The following HEATR1 variants were observed in gnomAD, a reference collection of about 807,000 sequenced individuals.
The protein encoded by HEATR1 is HEAT repeat containing 1, also known as HEAT repeat-containing protein 1.
Under a neutral mutation model 248.2 loss-of-function variants are expected in HEATR1, and 77 were observed. The observed-to-expected ratio is 0.31, with a 90% CI of 0.26 to 0.37. HEATR1 has a LOEUF of 0.37. HEATR1 is among the 10% of genes least tolerant of loss of function. The pLI, the probability that HEATR1 is intolerant of heterozygous loss-of-function variation, is 1.00. For synonymous variants in HEATR1, 897 were observed against 923.1 expected, an observed-to-expected ratio of 0.97 and a Z score of 0.51; for missense variants, 2,420 against 2,504.9, an observed-to-expected ratio of 0.97 and a Z score of 0.72.
At position 236,587,143 on chromosome 1, in the gene HEATR1, G is replaced by A. The variant is rs1663909746; in HGVS notation, c.1715+259C>T. Among the ~76,000 whole-genome samples, 3 of 151,984 alleles carry A rather than the reference G, an allele frequency of 2.0e-5. 1 individual carries two copies. Among genetic ancestry groups the A allele is most frequent in the South Asian group, 4.1e-4 (2 of 4,820 alleles). The stretch of plus-strand genomic sequence containing the variant: ...TCCTACCCATCTTACTTCCCAGAAT[G>A]CAATATCATACATTATATACTTCCT... On this transcript the variant is annotated intron_variant, in intron 14 of 44. Coordinates refer to ENST00000366582, the MANE Select transcript of HEATR1 (RefSeq NM_018072.6).
chr1:236,574,282 G>A lies in HEATR1; in HGVS notation c.3379C>T (p.Leu1127Phe). Reference protein sequence around the residue: ...AISDEKVQQKLLRMLFDLLVN... With the variant: ...AISDEKVQQKFLRMLFDLLVN... ...AATAAATCAAACAACATTCTTAAAA[G>A]CTTCTGCTGAACTTTTTCATCTGAT... Residue 1127 changes from leucine to phenylalanine, a missense_variant, in exon 24 of 45, where the codon CTT (leucine) becomes TTT (phenylalanine). Leu to Phe is a conservative substitution (Grantham distance 22). Coordinates refer to ENST00000366582, the MANE Select transcript of HEATR1 (RefSeq NM_018072.6). 3 of 1,612,548 alleles carry A rather than the reference G, an allele frequency of 1.9e-6. No individual in the cohort carries two copies. The highest frequency in any genetic ancestry group is 1.3e-5 in the African/African-American group (1 of 74,942).
intron 8 of HEATR1, 86 bp from the exon 9 acceptor site, chr1:236,594,200 T>G: frequency 1.2e-6 from 1 of 854,470 alleles, no homozygotes; most frequent in South Asian, 1.7e-5. Context: ...AGAAAATCGT[T>G]CTCAGAATAA....
intron 22 of HEATR1, 42 bp from the exon 23 acceptor site, chr1:236,574,945 GAT>G (rs768118716): frequency 1.3e-5 from 21 of 1,581,338 alleles, no homozygotes; most frequent in Non-Finnish European, 1.8e-5. Flanking sequence ...TATGTATACT[GAT>G]ATGTTTTTGC....
intron 32 of HEATR1, 31 bp downstream of exon 32, chr1:236,564,467 T>C: frequency 6.2e-7 from 1 of 1,601,112 alleles, no homozygotes; most frequent in Non-Finnish European, 8.5e-7. Flanking sequence ...GCAGAATACC[T>C]TTTTATAAAC....
At chr1:236,601,302 A>C (rs79194462) in intron 3 of HEATR1, among the ~76,000 whole-genome samples, 2,648 of 150,874 alleles carry the variant, frequency 0.018, 17 homozygotes, top group Middle Eastern at 0.075. Context: ...GCTGGAGTGC[A>C]GTGGCGTGAT....
intron 11 of HEATR1, 60 bp from the exon 12 acceptor site, chr1:236,591,014 G>T: frequency 2.3e-6 from 2 of 864,268 alleles, no homozygotes; most frequent in Non-Finnish European, 3.2e-6. Context: ...CTATGATCAA[G>T]AATAAAACCC....
Position 236,599,471 on chromosome 1 carries a change from C to G in HEATR1, c.501+12G>C. On this transcript the variant is annotated intron_variant, in intron 4 of 44. Coordinates refer to ENST00000366582, the MANE Select transcript of HEATR1 (RefSeq NM_018072.6). Reference sequence around the variant, plus strand: ...GTAATGATTACAGACATATGTCATTCAGCAATTATACCTTAACTGGCAACA... The same window carrying G: ...GTAATGATTACAGACATATGTCATTGAGCAATTATACCTTAACTGGCAACA... 2 of 1,607,152 alleles carry G rather than the reference C, an allele frequency of 1.2e-6. No homozygotes were observed. The highest frequency in any genetic ancestry group is 1.7e-6 in the Non-Finnish European group (2 of 1,176,368).
chr1:236,585,138 C>A lies in HEATR1; in HGVS notation c.2128G>T (p.Val710Leu). 1 of 1,614,050 alleles carries A rather than the reference C, an allele frequency of 6.2e-7. No individual in the cohort carries two copies. Among genetic ancestry groups the A allele is most frequent in the South Asian group, 1.1e-5 (1 of 91,076 alleles). The change falls in exon 17 of 45, where the codon GTG (valine) becomes TTG (leucine). Residue 710 changes from valine (V) to leucine (L), a missense_variant. Transcript: ENST00000366582. ...AAAGATGAACAACAAGAGACGAGCA[C>A]AGACAGGATCACATGAAACGTTACT... ...QKVTFHVILS[V>L]LVSCCSSLKE... is the part of the protein sequence containing the mutation.
intron 43 of HEATR1, among the ~76,000 whole-genome samples, chr1:236,553,284 C>A (rs771592101): frequency 3.3e-5 from 5 of 152,220 alleles, no homozygotes; most frequent in Non-Finnish European, 7.3e-5. Flanking sequence ...GGAATTACTT[C>A]AAATCTTTGT....
intron 43 of HEATR1, 84 bp from the exon 44 acceptor site, chr1:236,552,191 TCTAA>T (rs1662780115): frequency 2.3e-6 from 2 of 866,674 alleles, no homozygotes; most frequent in Non-Finnish European, 3.7e-6. Flanking sequence ...TGAGACAAGC[TCTAA>T]CTTTTTAAAC....
chr1:236,574,628 G>A (rs1205870543), intron 23 of HEATR1, 33 bp downstream of exon 23: 9 of 1,596,266 alleles, frequency 5.6e-6, no homozygotes, highest in Non-Finnish European at 7.7e-6. Flanking sequence ...GCTTGAACAT[G>A]CTATGCCTTA....
chr1:236,599,461 A>C lies in HEATR1; in HGVS notation c.501+22T>G, dbSNP rs1462909933. On this transcript the variant is annotated intron_variant, in intron 4 of 44. Transcript: ENST00000366582. ...ATCAAGATCTGTAATGATTACAGACATATGTCATTCAGCAATTATACCTTA... is the reference window on the plus strand; with the variant it reads ...ATCAAGATCTGTAATGATTACAGACCTATGTCATTCAGCAATTATACCTTA... 1.9e-6 allele frequency: 3 copies of C among 1,604,056 alleles called. No homozygotes were observed. The South Asian group carries it at 3.3e-5, about 18-fold the overall frequency.
In HEATR1 at chr1:236,550,725, G is replaced by A; in HGVS notation, c.*177C>T. The A allele has an allele frequency of 1.8e-6, 1 of 550,110 alleles. No homozygotes were observed. 34.1% of individuals were successfully genotyped at this position (550,110 alleles called of 1,614,324 possible). A position where few individuals can be genotyped will look rare whatever the true frequency, so the allele number is the denominator to read the frequency against. ...GCAGCTCTATACGATAGGCAGGAGA[G>A]GCTTATGTGGCAGCACAAGCCAGGT... On this transcript the variant is annotated 3_prime_UTR_variant, in exon 45 of 45. Transcript: ENST00000366582.
At chr1:236,579,433 T>C (rs543459415) in intron 20 of HEATR1, among the ~76,000 whole-genome samples, 1 of 152,170 alleles carries the variant, frequency 6.6e-6, no homozygotes, top group Non-Finnish European at 1.5e-5. Flanking sequence ...TAATACCAAA[T>C]TGGAAAACAG....
Position 236,555,748 on chromosome 1 carries a change from G to A in HEATR1, c.5649+57C>T. On this transcript the variant is annotated intron_variant, in intron 39 of 44. Transcript: ENST00000366582. Reference sequence around the variant, plus strand: ...CTGTTACACGGCTAGATTGTTCTCGGACTCTTCAATAGGTGGATAACAGCT... The same window carrying A: ...CTGTTACACGGCTAGATTGTTCTCGAACTCTTCAATAGGTGGATAACAGCT... 2.5e-6 allele frequency: 4 copies of A among 1,610,156 alleles called. No homozygotes were observed. The Admixed American group carries it at 6.7e-5, about 27-fold the overall frequency.
intron 12 of HEATR1, among the ~76,000 whole-genome samples, chr1:236,589,242 T>C (rs1663968684): frequency 6.6e-6 from 1 of 152,222 alleles, no homozygotes; most frequent in Non-Finnish European, 1.5e-5. Context: ...GAATTTCTTA[T>C]CACTGAAATC....
Position 236,571,346 on chromosome 1 carries a change from C to T in HEATR1, c.3948+5G>A. On this transcript the variant is annotated splice_donor_5th_base_variant and intron_variant, in intron 28 of 44. Coordinates refer to ENST00000366582, the MANE Select transcript of HEATR1 (RefSeq NM_018072.6). ...CTGCTAAAATCTTATATCATTAACG[C>T]TTACCGGAAATATTCCAGCAACAGT... 6.3e-7 allele frequency: 1 copy of T among 1,589,286 alleles called. No individual in the cohort carries two copies. The highest frequency in any genetic ancestry group is 8.5e-7 in the Non-Finnish European group (1 of 1,173,446).
rs1012278529 is a variant in HEATR1, at chr1:236,585,147, T to A, written c.2119A>T (p.Ile707Phe). ...CAACAAGAGACGAGCACAGACAGGA[T>A]CACATGAAACGTTACTTTCTGCTTC... Reference protein sequence around the residue: ...NLKQKVTFHVILSVLVSCCSS... With the variant: ...NLKQKVTFHVFLSVLVSCCSS... The change falls in exon 17 of 45, where the codon ATC becomes TTC. Residue 707 changes from isoleucine (I) to phenylalanine (F), a missense_variant. Coordinates refer to ENST00000366582, the MANE Select transcript of HEATR1 (RefSeq NM_018072.6). The A allele has an allele frequency of 6.2e-7, 1 of 1,613,948 alleles. No individual in the cohort carries two copies. Among genetic ancestry groups the A allele is most frequent in the African/African-American group, 1.3e-5 (1 of 74,916 alleles).
At position 236,557,283 on chromosome 1, in the gene HEATR1, T is replaced by C. The variant is rs781615267; in HGVS notation, c.5267A>G (p.Tyr1756Cys). ...NTSELVSSEVYLLSALAALQK... is the reference protein window; with the variant it reads ...NTSELVSSEVCLLSALAALQK... ...CAGAGCAGCCAAGGCACTGAGCAGG[T>C]AGACCTCGCTGGAGACCAGCTCGCT... The change falls in exon 37 of 45, where the codon TAC becomes TGC. Residue 1756 changes from tyrosine (Y) to cysteine (C), a missense_variant. Transcript: ENST00000366582. 12 of 1,614,052 alleles carry C rather than the reference T, an allele frequency of 7.4e-6. No homozygotes were observed. Among genetic ancestry groups the C allele is most frequent in the Non-Finnish European group, 9.3e-6 (11 of 1,180,022 alleles).
Sources: gnomAD v4.1 joint callset for allele counts (sites outside exome capture counted in the v4.1 genomes callset) on GRCh38, gnomAD v4.1.1 for gene constraint, MANE v1.5 for transcripts, NCBI Gene and HGNC (gene_info 2026-07-23, HGNC 2026-07-21) for gene names.